PDZRN3: variants seen among roughly 807,000 people sequenced by gnomAD.
PDZRN3 encodes the protein E3 ubiquitin-protein ligase PDZRN3.
Under a neutral mutation model 85.7 loss-of-function variants are expected in PDZRN3, and 38 were observed. The observed-to-expected ratio is 0.44, with a 90% CI of 0.34 to 0.58. The LOEUF is 0.58. PDZRN3 is among the 20% of genes least tolerant of loss of function. PDZRN3 has a pLI of 0.01. For synonymous variants in PDZRN3, 759 were observed against 638.0 expected (o/e 1.19, Z -2.86); for missense variants, 1,629 against 1,506.4 (o/e 1.08, Z -1.35).
chr3:73,576,237 A>G (rs1370989994), intron 3 of PDZRN3, among the ~76,000 whole-genome samples: 1 of 152,166 alleles, frequency 6.6e-6, no homozygotes, highest in African/African-American at 2.4e-5. Flanking sequence ...ATGGGAGAAT[A>G]AGGTCTAAAT....
intron 3 of PDZRN3, among the ~76,000 whole-genome samples, chr3:73,479,777 C>A (rs6805077): frequency 0.48 from 72,641 of 151,970 alleles, 17,572 homozygotes; most frequent in East Asian, 0.68. Context: ...ACTCCCCTTT[C>A]ACAAATGTGG....
chr3:73,606,686 T>C (rs1038375380), intron 2 of PDZRN3, among the ~76,000 whole-genome samples: 1 of 152,238 alleles, frequency 6.6e-6, no homozygotes, highest in Non-Finnish European at 1.5e-5. Flanking sequence ...CCATCTACCT[T>C]CATATTTACA....
At chr3:73,563,936 T>C (rs547900244) in intron 3 of PDZRN3, among the ~76,000 whole-genome samples, 11 of 152,232 alleles carry the variant, frequency 7.2e-5, no homozygotes, top group Admixed American at 7.2e-4. Flanking sequence ...CAAGGTAACC[T>C]CTCTGTTATT....
intron 3 of PDZRN3, among the ~76,000 whole-genome samples, chr3:73,407,761 C>T (rs77130313): frequency 2.6e-5 from 4 of 152,102 alleles, no homozygotes; most frequent in African/African-American, 9.7e-5. Flanking sequence ...ATGAAGGACC[C>T]GCTTGGATCA....
At position 73,503,969 on chromosome 3, in the gene PDZRN3, C is replaced by T. The variant is rs182396548; in HGVS notation, c.918+98385G>A. Among the ~76,000 whole-genome samples, 11 of 152,278 alleles carry T rather than the reference C, an allele frequency of 7.2e-5. No homozygotes were observed. The East Asian group carries it at 2.1e-3, about 29-fold the overall frequency. On this transcript the variant is annotated intron_variant, in intron 3 of 9. Coordinates refer to ENST00000263666, the MANE Select transcript of PDZRN3 (RefSeq NM_015009.3). ...AAACGTAACTCAGCGAAACAGAAAC[C>T]CAGCCATGTGACTCCTTTTCTGTAG...
chr3:73,460,656 G>A (rs1232912489), intron 3 of PDZRN3, among the ~76,000 whole-genome samples: 7 of 152,154 alleles, frequency 4.6e-5, no homozygotes, highest in South Asian at 2.1e-4. Flanking sequence ...TAGCATGAAG[G>A]TGCTCTTAGT....
At chr3:73,569,271 G>T in intron 3 of PDZRN3, 2 of 1,270,454 alleles carry the variant, frequency 1.6e-6, no homozygotes, top group East Asian at 1.1e-4. Flanking sequence ...GAAGAATGTC[G>T]TATGAAATGA....
intron 1 of PDZRN3, among the ~76,000 whole-genome samples, chr3:73,621,114 G>T (rs1046444175): frequency 6.6e-6 from 1 of 152,180 alleles, no homozygotes; most frequent in African/African-American, 2.4e-5. Flanking sequence ...AATCTCTAGG[G>T]GTGAGACTGA....
chr3:73,563,107 C>T (rs1169818667), intron 3 of PDZRN3, among the ~76,000 whole-genome samples: 4 of 146,362 alleles, frequency 2.7e-5, no homozygotes, highest in Non-Finnish European at 4.5e-5. Flanking sequence ...CAAGCTCCGC[C>T]TCCCAGGTTC....
chr3:73,452,782 T>C (rs1011635054), intron 3 of PDZRN3, among the ~76,000 whole-genome samples: 4 of 151,998 alleles, frequency 2.6e-5, no homozygotes, highest in Admixed American at 6.6e-5. Context: ...AGTTGAATAA[T>C]ATTTTAAGAT....
In PDZRN3 at chr3:73,624,633, G is replaced by C; in HGVS notation, c.193C>G (p.Leu65Val). Residue 65 changes from leucine to valine, a missense_variant, in exon 1 of 10, where the codon CTC (leucine) becomes GTC (valine). Physicochemically the swap from Leu to Val is conservative, Grantham distance 32 (BLOSUM62 1). Coordinates refer to ENST00000263666, the MANE Select transcript of PDZRN3 (RefSeq NM_015009.3). ...RCRGRLSAKE[L>V]NHVLPLKRLI... ...CGCTTGAGCGGCAGGACGTGGTTGAGCTCTTTGGCCGACAGGCGACCGCGG... is the reference window on the plus strand; with the variant it reads ...CGCTTGAGCGGCAGGACGTGGTTGACCTCTTTGGCCGACAGGCGACCGCGG... 6.4e-7 allele frequency: 1 copy of C among 1,556,318 alleles called. No individual in the cohort carries two copies. Among genetic ancestry groups the C allele is most frequent in the African/African-American group, 1.4e-5 (1 of 71,002 alleles).
intron 3 of PDZRN3, among the ~76,000 whole-genome samples, chr3:73,499,994 TTC>T (rs1459199766): frequency 2.0e-5 from 3 of 152,158 alleles, no homozygotes; most frequent in African/African-American, 7.2e-5. Context: ...TGTTGAGGAT[TTC>T]TTTCATTATT....
chr3:73,538,457 C>A (rs751115911), intron 3 of PDZRN3, among the ~76,000 whole-genome samples: 10 of 151,894 alleles, frequency 6.6e-5, no homozygotes, highest in Non-Finnish European at 1.2e-4. Context: ...TGCCAGAGCA[C>A]CAGGGACTCC....
chr3:73,568,843 C>A (rs777334136), intron 3 of PDZRN3, among the ~76,000 whole-genome samples: 3 of 152,152 alleles, frequency 2.0e-5, no homozygotes, highest in Non-Finnish European at 4.4e-5. Flanking sequence ...TATGCATATC[C>A]CAAGGCAACA....
At chr3:73,558,774 T>C (rs1394709855) in intron 3 of PDZRN3, among the ~76,000 whole-genome samples, 3 of 152,230 alleles carry the variant, frequency 2.0e-5, no homozygotes, top group Non-Finnish European at 4.4e-5. Flanking sequence ...TAACTAAATA[T>C]GCTGTGTAAG....
chr3:73,452,225 T>C (rs1005588138), intron 3 of PDZRN3, among the ~76,000 whole-genome samples: 5 of 151,964 alleles, frequency 3.3e-5, no homozygotes, highest in African/African-American at 1.2e-4. Context: ...GGGTGGAATG[T>C]GGGGCTACAC....
chr3:73,404,072 T>G (rs1183721257), intron 4 of PDZRN3, 76 bp downstream of exon 4: 6 of 1,428,866 alleles, frequency 4.2e-6, no homozygotes, highest in African/African-American at 2.9e-5. Context: ...TTAATTTTTT[T>G]CACCACATAG....
intron 3 of PDZRN3, among the ~76,000 whole-genome samples, chr3:73,564,364 C>G (rs1701900853): frequency 6.6e-6 from 1 of 152,168 alleles, no homozygotes. Flanking sequence ...TTTGTTTTCA[C>G]TGACAGCCAT....
Position 73,464,698 on chromosome 3 carries a change from C to CT in PDZRN3, c.919-60304dup, listed in dbSNP as rs1575671780. Among the ~76,000 whole-genome samples the CT allele has an allele frequency of 4.6e-5, 7 of 152,028 alleles. 1 individual carries two copies. In the South Asian group the frequency reaches 1.0e-3, roughly 22 times the overall value. On this transcript the variant is annotated intron_variant, in intron 3 of 9. Coordinates refer to ENST00000263666, the MANE Select transcript of PDZRN3 (RefSeq NM_015009.3). ...TATTTCAAAAGAAAAAAAGGTGTCT[C>CT]TTTTTAAAAAAATCTGGAACCTAGA...
Sources: gnomAD v4.1 joint callset for allele counts (sites outside exome capture counted in the v4.1 genomes callset) on GRCh38, gnomAD v4.1.1 for gene constraint, MANE v1.5 for transcripts, NCBI Gene and HGNC (gene_info 2026-07-23, HGNC 2026-07-21) for gene names.